The following BCR variants were observed in gnomAD, a reference collection of about 807,000 sequenced individuals.
The protein encoded by BCR is BCR activator of RhoGEF and GTPase, also known as breakpoint cluster region protein.
Under a neutral mutation model 138.6 loss-of-function variants are expected in BCR, and 58 were observed. That is an observed-to-expected ratio of 0.42 (90% CI 0.34 to 0.52). The LOEUF is 0.52. Ranked by LOEUF, BCR falls within the 20% of genes least tolerant of loss-of-function variation. The probability of loss-of-function intolerance (pLI) is 0.06; values close to 1 mark genes in which losing one functional copy is unlikely to be tolerated. For missense variants in BCR, 1,599 were observed against 1,727.2 expected, an observed-to-expected ratio of 0.93 and a Z score of 1.32; for synonymous variants, 786 against 730.1, an observed-to-expected ratio of 1.08 and a Z score of -1.23.
intron 1 of BCR, among the ~76,000 whole-genome samples, chr22:23,250,232 C>A (rs969496486): frequency 1.3e-5 from 2 of 151,918 alleles, no homozygotes; most frequent in Non-Finnish European, 2.9e-5. Context: ...TGACCTTACA[C>A]GGGAGTCAGT....
Position 23,295,095 on chromosome 22 carries a change from G to C in BCR, c.2952G>C (p.Thr984=), listed in dbSNP as rs368144711. 6.2e-7 allele frequency: 1 copy of C among 1,614,174 alleles called. No individual in the cohort carries two copies. ...GCTATGAAAAGTGTTACAACAAGAC[G>C]AAGATCCCCAAGGAGGACGGCGAGA... The part of the protein sequence containing the change: ...ILCYEKCYNK[T]KIPKEDGEST... The change falls in exon 16 of 23, where the codon ACG becomes ACC. Residue 984 remains threonine, a synonymous_variant. Transcript: ENST00000305877.
intron 1 of BCR, chr22:23,217,101 T>TTTAG (rs1473943742): frequency 1.2e-5 from 5 of 434,084 alleles, no homozygotes; most frequent in Non-Finnish European, 1.9e-5. Flanking sequence ...ACCACAGGAT[T>TTTAG]TTAGTTACAC....
chr22:23,202,029 C>T (rs779648840), intron 1 of BCR, among the ~76,000 whole-genome samples: 5 of 152,076 alleles, frequency 3.3e-5, no homozygotes, highest in Non-Finnish European at 7.4e-5. Flanking sequence ...TTAATGTGAA[C>T]GTTTCCATGT....
chr22:23,237,801 C>G (rs2073043596), intron 1 of BCR, among the ~76,000 whole-genome samples: 1 of 152,232 alleles, frequency 6.6e-6, no homozygotes, highest in Admixed American at 6.5e-5. Context: ...CGCTGACCTG[C>G]AGTGGCCTGA....
At chr22:23,236,036 T>A (rs2073019258) in intron 1 of BCR, among the ~76,000 whole-genome samples, 1 of 152,184 alleles carries the variant, frequency 6.6e-6, no homozygotes, top group Non-Finnish European at 1.5e-5. Context: ...CACCCCCACA[T>A]CTCCAAAGCT....
At chr22:23,254,589 G>A (rs1161516979) in intron 2 of BCR, 4 of 518,670 alleles carry the variant, frequency 7.7e-6, no homozygotes, top group African/African-American at 1.9e-5. Flanking sequence ...ACATGAGAAC[G>A]TAGCCCGGGC....
chr22:23,292,782 C>T (rs185893531), intron 15 of BCR, 144 bp downstream of exon 15: 19 of 627,618 alleles, frequency 3.0e-5, no homozygotes, highest in Admixed American at 6.7e-5. Flanking sequence ...CCTGGGGGGC[C>T]AGTAGGTGAC....
rs1463672900 is a variant in BCR, at chr22:23,182,083, C to G, written c.1123C>G (p.Gln375Glu). 1 of 1,613,282 alleles carries G rather than the reference C, an allele frequency of 6.2e-7. No homozygotes were observed. Among genetic ancestry groups the G allele is most frequent in the Non-Finnish European group, 8.5e-7 (1 of 1,180,046 alleles). ...AAGCCGCTCTCCCTCGCAGAACTCG[C>G]AACAGTCCTTCGACAGCAGCAGTCC... Reference protein sequence around the residue: ...DKSRSPSQNSQQSFDSSSPPT... With the variant: ...DKSRSPSQNSEQSFDSSSPPT... Residue 375 changes from glutamine to glutamate, a missense_variant, in exon 1 of 23, where the codon CAA (glutamine) becomes GAA (glutamate). This residue lies in a region of BCR where 806 missense variants were observed against 635.0 expected (regional missense o/e 1.27). Coordinates refer to ENST00000305877, the MANE Select transcript of BCR (RefSeq NM_004327.4).
At chr22:23,281,604 G>C (rs925683182) in intron 8 of BCR, among the ~76,000 whole-genome samples, 1 of 152,116 alleles carries the variant, frequency 6.6e-6, no homozygotes, top group Admixed American at 6.5e-5. Context: ...ACTGCAGAGC[G>C]GGGCCTGAGA....
In BCR at chr22:23,246,952, A is replaced by G. The variant is rs144956017; in HGVS notation, c.1280-6847A>G. Among the ~76,000 whole-genome samples the G allele has an allele frequency of 2.3e-3, 349 of 152,108 alleles. 3 individuals are homozygous for G. Among genetic ancestry groups the G allele is most frequent in the African/African-American group, 8.0e-3 (333 of 41,496 alleles). On this transcript the variant is annotated intron_variant, in intron 1 of 22. Transcript: ENST00000305877. ...TGCTCTTGGTGGGTGCATGGTGGTA[A>G]GAAGGTGCCAGGCTATGGATGAGCG...
chr22:23,246,746 T>C (rs1381821289), intron 1 of BCR, among the ~76,000 whole-genome samples: 2 of 152,210 alleles, frequency 1.3e-5, no homozygotes, highest in African/African-American at 2.4e-5. Flanking sequence ...CTGGAGGAAG[T>C]ACCCCGTAAA....
At chr22:23,247,243 C>T (rs1411875226) in intron 1 of BCR, among the ~76,000 whole-genome samples, 1 of 152,148 alleles carries the variant, frequency 6.6e-6, no homozygotes, top group African/African-American at 2.4e-5. Context: ...GTTTGATGTC[C>T]GCCTCTGTGA....
At chr22:23,281,912 G>T (rs2073650381) in intron 8 of BCR, among the ~76,000 whole-genome samples, 1 of 152,232 alleles carries the variant, frequency 6.6e-6, no homozygotes, top group Non-Finnish European at 1.5e-5. Context: ...TGGGTTGTGG[G>T]CAGCCTCTGC....
chr22:23,219,469 C>T (rs999784731), intron 1 of BCR, among the ~76,000 whole-genome samples: 5 of 152,224 alleles, frequency 3.3e-5, no homozygotes, highest in African/African-American at 9.6e-5. Context: ...CACCCTTGGC[C>T]TCTGTCCCTG....
chr22:23,283,623 A>G (rs2073675474), intron 8 of BCR: 7 of 194,666 alleles, frequency 3.6e-5, no homozygotes, highest in Admixed American at 3.1e-4. Flanking sequence ...GGGTCCCCCC[A>G]TCACCCATCT....
At chr22:23,291,452 A>G (rs1007724319) in intron 14 of BCR, among the ~76,000 whole-genome samples, 11 of 152,108 alleles carry the variant, frequency 7.2e-5, no homozygotes, top group African/African-American at 1.9e-4. Flanking sequence ...TTGCACCTTC[A>G]TAACATAATC....
Position 23,287,287 on chromosome 22 carries a change from C to T in BCR, c.2526+9C>T. 2 of 1,533,996 alleles carry T rather than the reference C, an allele frequency of 1.3e-6. No homozygotes were observed. The highest frequency in any genetic ancestry group is 2.5e-5 in the South Asian group (2 of 80,322). On this transcript the variant is annotated intron_variant, in intron 11 of 22. Coordinates refer to ENST00000305877, the MANE Select transcript of BCR (RefSeq NM_004327.4). ...ACAGCCGCAACGGCAAGGTGAGCGC[C>T]TGCTGTTCCGGCCCCTCCTGCTCTC... is the stretch of plus-strand genomic sequence containing the variant.
intron 1 of BCR, among the ~76,000 whole-genome samples, chr22:23,207,562 A>G (rs6003554): frequency 0.076 from 11,569 of 152,208 alleles, 1,491 homozygotes; most frequent in African/African-American, 0.26. Context: ...GTTTGAGGCT[A>G]CATTGAGCTG....
At chr22:23,292,491 G>A (rs370050205) in intron 14 of BCR, 50 bp from the exon 15 acceptor site, 27 of 1,307,530 alleles carry the variant, frequency 2.1e-5, no homozygotes, top group Non-Finnish European at 2.3e-5. Flanking sequence ...GACCATGTGG[G>A]TGATGTGGAA....
Sources: allele counts gnomAD v4.1 joint callset (sites outside exome capture counted in the v4.1 genomes callset), GRCh38; gene constraint gnomAD v4.1.1; regional missense constraint gnomAD v4.1.1; transcripts MANE v1.5; gene names NCBI Gene and HGNC (gene_info 2026-07-23, HGNC 2026-07-21).